The following OSBPL10 variants were observed in gnomAD, a reference collection of about 807,000 sequenced individuals.
The protein encoded by OSBPL10 is oxysterol-binding protein-related protein 10.
A neutral mutation model predicts 81.7 loss-of-function variants in OSBPL10; 49 were observed. The ratio of observed to expected loss-of-function variants is 0.60; its 90% CI spans 0.48 to 0.76. OSBPL10 has a LOEUF of 0.76. Ranked by LOEUF, OSBPL10 falls within the 30% of genes least tolerant of loss-of-function variation. The pLI, the probability that OSBPL10 is intolerant of heterozygous loss-of-function variation, is 0.00. For synonymous variants in OSBPL10, 419 were observed against 383.6 expected (o/e 1.09, Z -1.08); for missense variants, 923 against 987.8 (o/e 0.93, Z 0.88).
At chr3:32,046,044 C>G (rs1039495137) in intron 2 of OSBPL10, 1 of 152,206 alleles carries the variant, frequency 6.6e-6, no homozygotes, top group African/African-American at 2.4e-5. Context: ...CCTGTGGGTT[C>G]TTATTTCTTA....
chr3:31,748,232 C>A, intron 4 of OSBPL10, 112 bp from the exon 5 acceptor site: 2 of 922,480 alleles, frequency 2.2e-6, no homozygotes, highest in Non-Finnish European at 3.4e-6. Context: ...GTCAACTCAG[C>A]GTGTTCGGTG....
intron 1 of OSBPL10, among the ~76,000 whole-genome samples, chr3:31,900,173 G>T (rs190222895): frequency 6.6e-6 from 1 of 151,524 alleles, no homozygotes; most frequent in East Asian, 2.0e-4. Flanking sequence ...ACAGGCACAC[G>T]CCACCATGCC....
chr3:31,706,374 T>C (rs556158627), intron 6 of OSBPL10, among the ~76,000 whole-genome samples: 2 of 152,298 alleles, frequency 1.3e-5, no homozygotes, highest in African/African-American at 2.4e-5. Context: ...TAGCTCCCCT[T>C]GGATTCTTAG....
chr3:31,893,281 A>T lies in OSBPL10; in HGVS notation c.282-13451T>A, dbSNP rs1695954146. Among the ~76,000 whole-genome samples the T allele has an allele frequency of 2.0e-5, 3 of 152,216 alleles. No individual in the cohort carries two copies. In the South Asian group the frequency reaches 6.2e-4, roughly 32 times the overall value. The stretch of plus-strand genomic sequence containing the variant: ...TTTCACCAAAGAAGACATTTCACCA[A>T]AGAAGATACATGAATGGTTAATAAA... On this transcript the variant is annotated intron_variant, in intron 1 of 11. Coordinates refer to ENST00000396556, the MANE Select transcript of OSBPL10 (RefSeq NM_017784.5).
At chr3:31,794,297 A>C (rs1699122178) in intron 4 of OSBPL10, among the ~76,000 whole-genome samples, 1 of 152,212 alleles carries the variant, frequency 6.6e-6, no homozygotes, top group Non-Finnish European at 1.5e-5. Flanking sequence ...GGCGCACGCC[A>C]CCACACCCAG....
intron 1 of OSBPL10, among the ~76,000 whole-genome samples, chr3:31,913,100 T>C (rs1355300492): frequency 6.6e-6 from 1 of 152,160 alleles, no homozygotes; most frequent in Admixed American, 6.5e-5. Flanking sequence ...CATTTGGGGT[T>C]GATATATAAT....
intron 1 of OSBPL10, among the ~76,000 whole-genome samples, chr3:31,927,092 CAG>C (rs1559520963): frequency 6.6e-6 from 1 of 152,148 alleles, no homozygotes; most frequent in East Asian, 1.9e-4. Flanking sequence ...GCCTGGGTGA[CAG>C]AGTGAGACTC....
intron 6 of OSBPL10, among the ~76,000 whole-genome samples, chr3:31,703,124 C>A (rs1190477823): frequency 2.6e-5 from 4 of 152,086 alleles, no homozygotes; most frequent in African/African-American, 9.7e-5. Context: ...GCCAACATAC[C>A]CTGCTTTCCT....
intron 1 of OSBPL10, among the ~76,000 whole-genome samples, chr3:32,059,920 G>GA (rs926874487): frequency 4.0e-5 from 6 of 151,440 alleles, no homozygotes; most frequent in African/African-American, 9.7e-5. Flanking sequence ...TCAAAAGAAA[G>GA]AAAAAAAACA....
chr3:31,689,008 C>G (rs1032926405), intron 7 of OSBPL10, among the ~76,000 whole-genome samples: 1 of 152,170 alleles, frequency 6.6e-6, no homozygotes, highest in Admixed American at 6.5e-5. Context: ...ATTGCCTAGT[C>G]TGAAGGCATC....
intron 1 of OSBPL10, among the ~76,000 whole-genome samples, chr3:31,896,387 A>G (rs1396789405): frequency 6.6e-6 from 1 of 152,210 alleles, no homozygotes; most frequent in Non-Finnish European, 1.5e-5. Flanking sequence ...TTTTCTGCAA[A>G]GGATGGTACA....
chr3:31,805,026 G>A (rs541695397), intron 4 of OSBPL10, among the ~76,000 whole-genome samples: 26 of 152,196 alleles, frequency 1.7e-4, no homozygotes, highest in African/African-American at 5.3e-4. Flanking sequence ...GACAAAATTC[G>A]TAATTATTAT....
At chr3:31,933,992 C>T (rs1697317386) in intron 1 of OSBPL10, among the ~76,000 whole-genome samples, 1 of 150,346 alleles carries the variant, frequency 6.7e-6, no homozygotes, top group Non-Finnish European at 1.5e-5. Context: ...AATAAATGTA[C>T]ATCTGAGTCA....
Position 31,683,966 on chromosome 3 carries a change from G to A in OSBPL10, c.1394C>T (p.Ala465Val), listed in dbSNP as rs773025487. ...AGCGCCCTTGCGGCCCTCGTGAAAG[G>A]CTGTGAGATAATACTCAACGAAGCA... ...VICFVEYYLTAFHEGRKGALA... is the reference protein window; with the variant it reads ...VICFVEYYLTVFHEGRKGALA... The change falls in exon 8 of 12, where the codon GCC becomes GTC. Residue 465 changes from alanine (A) to valine (V), a missense_variant. Physicochemically the swap from Ala to Val is moderately conservative, Grantham distance 64. This residue lies in a region of OSBPL10 where 387 missense variants were observed against 436.3 expected (regional missense o/e 0.89). Transcript: ENST00000396556. 4.3e-6 allele frequency: 7 copies of A among 1,614,122 alleles called. No homozygotes were observed. In the African/African-American group the frequency reaches 6.7e-5, roughly 15 times the overall value.
chr3:31,688,302 C>CACAT (rs1239249321), intron 7 of OSBPL10, among the ~76,000 whole-genome samples: 1 of 151,208 alleles, frequency 6.6e-6, no homozygotes, highest in Non-Finnish European at 1.5e-5. Context: ...CACACACACA[C>CACAT]ACACACACAC....
chr3:31,751,308 C>T (rs1461239601), intron 4 of OSBPL10, among the ~76,000 whole-genome samples: 2 of 152,006 alleles, frequency 1.3e-5, no homozygotes, highest in Non-Finnish European at 2.9e-5. Flanking sequence ...GACCACACCG[C>T]TACACTCCAG....
chr3:31,922,769 C>T (rs966949789), intron 1 of OSBPL10, among the ~76,000 whole-genome samples: 15 of 152,048 alleles, frequency 9.9e-5, no homozygotes, highest in South Asian at 2.1e-4. Flanking sequence ...TCTGTTCCCC[C>T]GGCTGGCTTC....
chr3:31,758,955 T>A (rs967238149), intron 4 of OSBPL10, among the ~76,000 whole-genome samples: 2 of 152,192 alleles, frequency 1.3e-5, no homozygotes, highest in African/African-American at 2.4e-5. Context: ...TGCGGCCGTT[T>A]GTGAGAAATA....
At chr3:31,873,235 A>T (rs1338846690) in intron 3 of OSBPL10, among the ~76,000 whole-genome samples, 1 of 152,224 alleles carries the variant, frequency 6.6e-6, no homozygotes, top group Non-Finnish European at 1.5e-5. Flanking sequence ...AAAAAAATGC[A>T]ATCAATATTC....
Sources: allele counts gnomAD v4.1 joint callset (sites outside exome capture counted in the v4.1 genomes callset), GRCh38; gene constraint gnomAD v4.1.1; regional missense constraint gnomAD v4.1.1; transcripts MANE v1.5; gene names NCBI Gene and HGNC (gene_info 2026-07-23, HGNC 2026-07-21).